KIAA1671: variants seen among roughly 807,000 people sequenced by gnomAD.
KIAA1671 encodes uncharacterized protein KIAA1671.
In KIAA1671, 52 loss-of-function variants were observed where a neutral mutation model predicts 131.2. The ratio of observed to expected loss-of-function variants is 0.40; its 90% CI spans 0.32 to 0.50. KIAA1671 has a LOEUF of 0.50. KIAA1671 is among the 20% of genes least tolerant of loss of function. The probability of loss-of-function intolerance (pLI) is 0.73; values close to 1 mark genes in which losing one functional copy is unlikely to be tolerated. For missense variants in KIAA1671, 2,360 were observed against 2,364.2 expected (o/e 1.00, Z 0.04); for synonymous variants, 1,003 against 961.6 (o/e 1.04, Z -0.80).
intron 1 of KIAA1671, among the ~76,000 whole-genome samples, chr22:24,956,660 A>G (rs137912868): frequency 1.4e-3 from 219 of 152,118 alleles, no homozygotes; most frequent in African/African-American, 5.1e-3. Flanking sequence ...AGATCAGGAG[A>G]TCGAGACCAT....
intron 6 of KIAA1671, among the ~76,000 whole-genome samples, chr22:25,152,062 G>A (rs931624919): frequency 6.6e-6 from 1 of 152,192 alleles, no homozygotes; most frequent in African/African-American, 2.4e-5. Context: ...GACTTCCTGT[G>A]TCAGTGAATA....
chr22:25,029,019 T>C lies in KIAA1671; in HGVS notation c.1020T>C (p.Pro340=). 6.7e-7 allele frequency: 1 copy of C among 1,502,724 alleles called. No individual in the cohort carries two copies. Among genetic ancestry groups the C allele is most frequent in the South Asian group, 1.3e-5 (1 of 76,120 alleles). The allele number at this position is 1,502,724 out of a possible 1,614,324, so 93.1% of individuals were successfully genotyped here. The part of the protein sequence containing the change: ...LVKAEAPLHD[P]DLDFLEVAKK... ...AGGCGGAGGCTCCTCTTCATGATCC[T>C]GATTTGGACTTCCTGGAGGTGGCCA... Residue 340 remains proline, a synonymous_variant, in exon 3 of 13, where the codon CCT becomes CCC. Coordinates refer to ENST00000358431, the MANE Select transcript of KIAA1671 (RefSeq NM_001145206.2).
chr22:25,016,557 G>A (rs1393598748), intron 1 of KIAA1671, among the ~76,000 whole-genome samples: 1 of 152,190 alleles, frequency 6.6e-6, no homozygotes, highest in African/African-American at 2.4e-5. Flanking sequence ...CTGGCCCAAA[G>A]CCGTCACTGC....
chr22:25,079,528 C>G lies in KIAA1671; in HGVS notation c.4530+30164C>G, dbSNP rs557827711. On this transcript the variant is annotated intron_variant, in intron 6 of 12. Transcript: ENST00000358431. ...TCTGGAGGGCTTGGGTGTGTGGGGC[C>G]TCTGCCTCTCTAAAAAGGTGACATT... Among the ~76,000 whole-genome samples the G allele has an allele frequency of 4.6e-5, 7 of 152,262 alleles. No individual in the cohort carries two copies. In the East Asian group the frequency reaches 5.8e-4, roughly 13 times the overall value.
At position 25,093,852 on chromosome 22, in the gene KIAA1671, C is replaced by CTCTG. The variant is rs1568951696; in HGVS notation, c.4530+44491_4530+44492insGTCT. 2.1e-4 allele frequency among the ~76,000 whole-genome samples: 26 copies of CTCTG among 121,162 alleles called. 1 individual carries two copies. In the East Asian group the frequency reaches 2.3e-3, roughly 11 times the overall value. The allele number at this position is 121,162 out of a possible 152,430, so 79.5% of individuals were successfully genotyped here. A position where few individuals can be genotyped will look rare whatever the true frequency, so the allele number is the denominator to read the frequency against. ...TCTCTCTGTCTGTCTCTCTCTCTCT[C>CTCTG]TCTCTCTCTCTCTCTCTCTCTCTCT... On this transcript the variant is annotated intron_variant, in intron 6 of 12. Transcript: ENST00000358431.
At chr22:24,986,630 ACCAC>A in intron 1 of KIAA1671, among the ~76,000 whole-genome samples, 1 of 112,498 alleles carries the variant, frequency 8.9e-6, no homozygotes, top group East Asian at 2.7e-4. Context: ...CACCCACCCA[ACCAC>A]CCACCCACCC....
chr22:24,956,994 C>T (rs950618536), intron 1 of KIAA1671, among the ~76,000 whole-genome samples: 9 of 152,146 alleles, frequency 5.9e-5, no homozygotes, highest in Middle Eastern at 3.2e-3. Context: ...CTCGACTTCC[C>T]TATCTGTAAA....
At chr22:24,961,363 A>G (rs1922007014) in intron 1 of KIAA1671, among the ~76,000 whole-genome samples, 1 of 152,150 alleles carries the variant, frequency 6.6e-6, no homozygotes, top group African/African-American at 2.4e-5. Flanking sequence ...TGTACACACG[A>G]GTCTTTCTGG....
chr22:25,183,960 C>G (rs1434810528), intron 10 of KIAA1671, among the ~76,000 whole-genome samples: 2 of 152,194 alleles, frequency 1.3e-5, no homozygotes, highest in Admixed American at 1.3e-4. Flanking sequence ...GATGGAGGCC[C>G]TGGGGCTCCC....
chr22:25,030,056 G>C (rs1312138990), intron 3 of KIAA1671, among the ~76,000 whole-genome samples: 1 of 152,230 alleles, frequency 6.6e-6, no homozygotes, highest in Non-Finnish European at 1.5e-5. Context: ...GGTTAATAAT[G>C]ATATTCTAAG....
intron 5 of KIAA1671, among the ~76,000 whole-genome samples, chr22:25,048,178 A>C (rs796542709): frequency 1.3e-5 from 2 of 152,228 alleles, no homozygotes; most frequent in African/African-American, 4.8e-5. Context: ...ATCAAGACGC[A>C]TGTTTTGAGC....
intron 6 of KIAA1671, among the ~76,000 whole-genome samples, chr22:25,067,223 C>T (rs1267169726): frequency 6.6e-6 from 1 of 152,088 alleles, no homozygotes; most frequent in African/African-American, 2.4e-5. Context: ...CACCCCCCAC[C>T]TGGTCCTAGA....
At chr22:25,036,509 A>G (rs1926607299) in intron 4 of KIAA1671, among the ~76,000 whole-genome samples, 1 of 152,146 alleles carries the variant, frequency 6.6e-6, no homozygotes, top group African/African-American at 2.4e-5. Flanking sequence ...CGGTCTTTCT[A>G]ATATATATAT....
intron 10 of KIAA1671, among the ~76,000 whole-genome samples, chr22:25,184,372 G>A (rs1934398281): frequency 6.6e-6 from 1 of 152,202 alleles, no homozygotes; most frequent in African/African-American, 2.4e-5. Flanking sequence ...GGTGATCAGT[G>A]CACAGAAGCT....
chr22:25,042,438 T>C (rs1277232770), intron 5 of KIAA1671, among the ~76,000 whole-genome samples: 1 of 150,688 alleles, frequency 6.6e-6, no homozygotes, highest in Non-Finnish European at 1.5e-5. Flanking sequence ...GGGATCACCA[T>C]GGTTTTGGGT....
At chr22:25,163,027 C>T (rs112731429) in intron 6 of KIAA1671, among the ~76,000 whole-genome samples, 6 of 152,094 alleles carry the variant, frequency 3.9e-5, no homozygotes, top group Non-Finnish European at 7.3e-5. Flanking sequence ...TGTTTTGTTA[C>T]CTTAAAAAAA....
rs571456610 is a variant in KIAA1671, at chr22:24,978,462, G to A, written c.-208+25690G>A. ...TTATCAGCAGCATGAAAATGGACTC[G>A]TACACCAGGCATTATTACTTTTATA... On this transcript the variant is annotated intron_variant, in intron 1 of 12. Transcript: ENST00000358431. Among the ~76,000 whole-genome samples, 55 of 152,088 alleles carry A rather than the reference G, an allele frequency of 3.6e-4. No homozygotes were observed. The South Asian group carries it at 0.01, about 28-fold the overall frequency.
intron 6 of KIAA1671, among the ~76,000 whole-genome samples, chr22:25,067,347 G>C (rs966865122): frequency 6.6e-6 from 1 of 151,956 alleles, no homozygotes; most frequent in Non-Finnish European, 1.5e-5. Flanking sequence ...TTTCTCCCCG[G>C]CTGTTCCTGG....
At chr22:24,998,501 C>T (rs916164998) in intron 1 of KIAA1671, among the ~76,000 whole-genome samples, 2 of 151,912 alleles carry the variant, frequency 1.3e-5, no homozygotes, top group South Asian at 2.1e-4. Context: ...GGGCGGATCA[C>T]GAGGTCAGGA....
Sources: gnomAD v4.1 joint callset for allele counts (sites outside exome capture counted in the v4.1 genomes callset) on GRCh38, gnomAD v4.1.1 for gene constraint, MANE v1.5 for transcripts, NCBI Gene and HGNC (gene_info 2026-07-23, HGNC 2026-07-21) for gene names.